The following CFAP52 variants were observed in gnomAD, a reference collection of about 807,000 sequenced individuals.
CFAP52 encodes the protein cilia and flagella associated protein 52.
CFAP52 carries 57 observed loss-of-function variants against 70.5 expected under a neutral mutation model. The observed-to-expected ratio is 0.81, with a 90% CI of 0.65 to 1.01. The LOEUF is 1.01. Ranked by LOEUF, CFAP52 falls within the 50% of genes least tolerant of loss-of-function variation. The probability of loss-of-function intolerance (pLI) is 0.00; values close to 1 mark genes in which losing one functional copy is unlikely to be tolerated. For missense variants in CFAP52, 785 were observed against 788.5 expected (o/e 1.00, Z 0.05); for synonymous variants, 267 against 292.5 (o/e 0.91, Z 0.89).
chr17:9,579,364 G>T (rs541820121), intron 1 of CFAP52, among the ~76,000 whole-genome samples: 67 of 152,188 alleles, frequency 4.4e-4, no homozygotes, highest in African/African-American at 1.6e-3. Flanking sequence ...TGCAGGGCCT[G>T]GTTGCAGAAC....
At chr17:9,636,179 A>AAAAGAAAGAAAGAAAGAAAGAAAG (rs60584008) in intron 11 of CFAP52, among the ~76,000 whole-genome samples, 36 of 99,168 alleles carry the variant, frequency 3.6e-4, no homozygotes, top group Non-Finnish European at 5.3e-4. Context: ...TGTCTCAAAA[A>AAAAGAAAGAAAGAAAGAAAGAAAG]AAAGAAAGAA....
intron 11 of CFAP52, among the ~76,000 whole-genome samples, chr17:9,636,748 T>C (rs1409386597): frequency 6.6e-6 from 1 of 151,926 alleles, no homozygotes; most frequent in African/African-American, 2.4e-5. Flanking sequence ...CTTAATACAT[T>C]AAAAAACACA....
At chr17:9,587,902 A>C (rs973284349) in intron 3 of CFAP52, among the ~76,000 whole-genome samples, 3 of 152,220 alleles carry the variant, frequency 2.0e-5, no homozygotes, top group Non-Finnish European at 4.4e-5. Flanking sequence ...GCCTCTGAGA[A>C]AAATACCATA....
chr17:9,636,179 A>AAAGG (rs1375570957), intron 11 of CFAP52, among the ~76,000 whole-genome samples: 1 of 99,122 alleles, frequency 1.0e-5, no homozygotes, highest in African/African-American at 4.9e-5. Flanking sequence ...TGTCTCAAAA[A>AAAGG]AAAGAAAGAA....
intron 1 of CFAP52, among the ~76,000 whole-genome samples, chr17:9,579,907 T>C (rs917071161): frequency 6.6e-6 from 1 of 152,224 alleles, no homozygotes; most frequent in Non-Finnish European, 1.5e-5. Flanking sequence ...AATATGTAAC[T>C]GTACTTGACA....
chr17:9,616,216 C>T (rs960036529), intron 8 of CFAP52, among the ~76,000 whole-genome samples: 3 of 150,834 alleles, frequency 2.0e-5, no homozygotes, highest in Non-Finnish European at 4.4e-5. Context: ...AGTTCCCTTT[C>T]CCAGTCAAAG....
intron 8 of CFAP52, among the ~76,000 whole-genome samples, chr17:9,622,497 C>T (rs1184089172): frequency 6.6e-6 from 1 of 151,706 alleles, no homozygotes; most frequent in Non-Finnish European, 1.5e-5. Context: ...GCTACAATCA[C>T]ACCAGTGCAT....
chr17:9,584,384 A>T, intron 1 of CFAP52: 1 of 1,268,620 alleles, frequency 7.9e-7, no homozygotes, highest in Non-Finnish European at 1.0e-6. Flanking sequence ...GGGCACTCAG[A>T]ACTGAAACCG....
At chr17:9,586,859 A>G (rs200291588) in intron 3 of CFAP52, 25 bp downstream of exon 3, 11 of 1,558,086 alleles carry the variant, frequency 7.1e-6, no homozygotes, top group Non-Finnish European at 9.5e-6. Flanking sequence ...ATAGTTACTT[A>G]TTTTCTTTAT....
intron 4 of CFAP52, among the ~76,000 whole-genome samples, chr17:9,595,005 C>T (rs1908936909): frequency 6.6e-6 from 1 of 150,860 alleles, no homozygotes; most frequent in Non-Finnish European, 1.5e-5. Context: ...ATTCTCCTGC[C>T]TCAGCCTCCC....
At chr17:9,578,709 C>G (rs559333062) in intron 1 of CFAP52, among the ~76,000 whole-genome samples, 5 of 152,212 alleles carry the variant, frequency 3.3e-5, no homozygotes, top group African/African-American at 1.2e-4. Flanking sequence ...CCACGCCTGG[C>G]TAATTTTTGT....
At chr17:9,613,134 G>A (rs992687512) in intron 8 of CFAP52, among the ~76,000 whole-genome samples, 1 of 151,606 alleles carries the variant, frequency 6.6e-6, no homozygotes, top group Non-Finnish European at 1.5e-5. Context: ...AGTATCTGTG[G>A]TACCTGTTTT....
intron 11 of CFAP52, among the ~76,000 whole-genome samples, chr17:9,636,195 G>GAAAGAA (rs1567637129): frequency 2.1e-5 from 2 of 93,090 alleles, no homozygotes; most frequent in African/African-American, 5.3e-5. Context: ...AAGAAAGAAA[G>GAAAGAA]AAAGAAAGAA....
intron 1 of CFAP52, among the ~76,000 whole-genome samples, chr17:9,580,318 T>TAAAAAAA (rs11386649): frequency 7.4e-6 from 1 of 134,758 alleles, no homozygotes. Context: ...GGACCTTTCT[T>TAAAAAAA]AAAAAAAAAA....
chr17:9,637,710 GA>G (rs1357765526), intron 11 of CFAP52, among the ~76,000 whole-genome samples: 3 of 152,202 alleles, frequency 2.0e-5, no homozygotes, highest in Non-Finnish European at 4.4e-5. Flanking sequence ...AAATAGCTGG[GA>G]TTACAGGCAT....
chr17:9,608,366 T>C, intron 7 of CFAP52, 147 bp downstream of exon 7: 1 of 623,160 alleles, frequency 1.6e-6, no homozygotes, highest in Non-Finnish European at 2.6e-6. Flanking sequence ...GGAATCACAA[T>C]AGATGGTGGC....
chr17:9,587,103 A>C (rs1908530908), intron 3 of CFAP52, among the ~76,000 whole-genome samples: 2 of 152,286 alleles, frequency 1.3e-5, no homozygotes, highest in Middle Eastern at 3.4e-3. Context: ...CCCACTTATA[A>C]GTAAGAACCT....
At chr17:9,621,912 C>T (rs889178688) in intron 8 of CFAP52, among the ~76,000 whole-genome samples, 4 of 148,712 alleles carry the variant, frequency 2.7e-5, no homozygotes, top group Non-Finnish European at 6.0e-5. Context: ...CTAGATGACA[C>T]GTTAGTGGGT....
intron 11 of CFAP52, among the ~76,000 whole-genome samples, chr17:9,636,845 G>A (rs1324066110): frequency 6.6e-6 from 1 of 152,168 alleles, no homozygotes; most frequent in East Asian, 1.9e-4. Flanking sequence ...AGGAGTTTGA[G>A]CCCAGCCTGA....
Sources: allele counts gnomAD v4.1 joint callset (sites outside exome capture counted in the v4.1 genomes callset), GRCh38; gene constraint gnomAD v4.1.1; transcripts MANE v1.5; gene names NCBI Gene and HGNC (gene_info 2026-07-23, HGNC 2026-07-21).